The following GPR89A variants were observed in gnomAD, a reference collection of about 807,000 sequenced individuals.
GPR89A encodes the protein G protein-coupled receptor 89A.
Under a neutral mutation model 52.0 loss-of-function variants are expected in GPR89A, and 16 were observed. The observed-to-expected ratio is 0.31, with a 90% CI of 0.21 to 0.47. The LOEUF is 0.47. Ranked by LOEUF, GPR89A falls within the 20% of genes least tolerant of loss-of-function variation. GPR89A has a pLI of 1.00. For synonymous variants in GPR89A, 55 were observed against 150.9 expected, an observed-to-expected ratio of 0.36 and a Z score of 4.66; for missense variants, 135 against 449.4, an observed-to-expected ratio of 0.30 and a Z score of 6.33.
intron 10 of GPR89A, among the ~76,000 whole-genome samples, chr1:145,651,033 A>G (rs1301299351): frequency 1.3e-5 from 2 of 151,934 alleles, no homozygotes; most frequent in Admixed American, 1.3e-4. Context: ...TTTTGTGGCA[A>G]TTGCTTTTGA....
chr1:145,668,177 A>G (rs1399445364), intron 12 of GPR89A, among the ~76,000 whole-genome samples: 8 of 152,138 alleles, frequency 5.3e-5, no homozygotes, highest in Admixed American at 4.6e-4. Context: ...GGCCATTTTC[A>G]TGATATTGAT....
chr1:145,608,688 C>G (rs1553685529), intron 1 of GPR89A: 5 of 937,680 alleles, frequency 5.3e-6, no homozygotes, highest in Non-Finnish European at 5.2e-6. Context: ...AATACCTGTG[C>G]TTGAAAGTAT....
In GPR89A at chr1:145,646,266, T is replaced by C. The variant is rs782734256; in HGVS notation, c.810T>C (p.Ala270=). ...TTCTGGAAACAGCTGATCTATATGCTACCAAGGTACAGAGCAAGGAAACTG... is the reference window on the plus strand; with the variant it reads ...TTCTGGAAACAGCTGATCTATATGCCACCAAGGTACAGAGCAAGGAAACTG... ...QLFLETADLY[A]TKERIEYSKT... Residue 270 remains alanine (A), a synonymous_variant, in exon 9 of 14, where the codon GCT becomes GCC. Coordinates refer to ENST00000313835, the MANE Select transcript of GPR89A (RefSeq NM_001097612.2). The C allele has an allele frequency of 6.2e-6, 10 of 1,605,782 alleles. No individual in the cohort carries two copies. In the Admixed American group the frequency reaches 1.7e-4, roughly 27 times the overall value.
At chr1:145,608,404 C>T (rs1444646097) in intron 1 of GPR89A, 4 of 814,502 alleles carry the variant, frequency 4.9e-6, no homozygotes, top group Non-Finnish European at 7.8e-6. Flanking sequence ...GGCATCCATC[C>T]CCGGAATTTC....
intron 10 of GPR89A, among the ~76,000 whole-genome samples, chr1:145,650,204 C>T (rs1178943858): frequency 1.3e-5 from 2 of 151,022 alleles, no homozygotes; most frequent in Admixed American, 1.3e-4. Flanking sequence ...TCACATTGTT[C>T]AGTTCCCACT....
At chr1:145,648,594 C>T (rs1651215494) in intron 10 of GPR89A, among the ~76,000 whole-genome samples, 1 of 151,292 alleles carries the variant, frequency 6.6e-6, no homozygotes, top group Admixed American at 6.6e-5. Context: ...ATTCTCCTGC[C>T]TCAGCCTCCC....
At chr1:145,634,880 T>C (rs782484716) in intron 7 of GPR89A, among the ~76,000 whole-genome samples, 1 of 152,172 alleles carries the variant, frequency 6.6e-6, no homozygotes, top group East Asian at 1.9e-4. Flanking sequence ...AAACCTAGTT[T>C]ACGCCAGGCA....
intron 12 of GPR89A, among the ~76,000 whole-genome samples, chr1:145,666,979 G>C (rs1299989070): frequency 2.9e-4 from 44 of 152,176 alleles, no homozygotes; most frequent in African/African-American, 1.0e-3. Flanking sequence ...TTGGTTCCAA[G>C]TCTTTGCTAT....
At chr1:145,656,491 TA>T (rs1453798367) in intron 10 of GPR89A, among the ~76,000 whole-genome samples, 1 of 152,160 alleles carries the variant, frequency 6.6e-6, no homozygotes, top group East Asian at 1.9e-4. Context: ...GCCAACTGCC[TA>T]GTCAGTCCCA....
intron 10 of GPR89A, among the ~76,000 whole-genome samples, chr1:145,662,006 T>G (rs1474464079): frequency 3.3e-5 from 5 of 152,162 alleles, no homozygotes; most frequent in Non-Finnish European, 7.4e-5. Flanking sequence ...TTGTATGATA[T>G]GAATCTTTTA....
At chr1:145,633,942 G>C (rs587760047) in intron 7 of GPR89A, among the ~76,000 whole-genome samples, 12 of 150,974 alleles carry the variant, frequency 7.9e-5, no homozygotes, top group Non-Finnish European at 1.5e-4. Context: ...TGACCAAGGG[G>C]GAAGAAAGAC....
intron 3 of GPR89A, among the ~76,000 whole-genome samples, chr1:145,619,526 C>T (rs1473797468): frequency 1.3e-5 from 2 of 151,954 alleles, no homozygotes; most frequent in Non-Finnish European, 2.9e-5. Context: ...GCAGGAGGAT[C>T]CCTTGAGCCC....
chr1:145,646,603 A>T (rs1553692590), intron 9 of GPR89A: 1 of 353,022 alleles, frequency 2.8e-6, no homozygotes, highest in African/African-American at 2.1e-5. Context: ...TAGTAATATT[A>T]TAAGAGCAGT....
intron 11 of GPR89A, among the ~76,000 whole-genome samples, chr1:145,663,815 T>C (rs1553696050): frequency 6.6e-6 from 1 of 152,146 alleles, no homozygotes; most frequent in Non-Finnish European, 1.5e-5. Flanking sequence ...TCAGCTTTGA[T>C]GCTCCAGTGG....
chr1:145,649,917 T>G (rs1651331331), intron 10 of GPR89A, among the ~76,000 whole-genome samples: 1 of 151,902 alleles, frequency 6.6e-6, no homozygotes, highest in Non-Finnish European at 1.5e-5. Flanking sequence ...GAGCATCTTT[T>G]CATGTGCTTT....
chr1:145,661,672 T>C (rs1652212500), intron 10 of GPR89A, among the ~76,000 whole-genome samples: 1 of 150,330 alleles, frequency 6.7e-6, no homozygotes, highest in Admixed American at 6.7e-5. Flanking sequence ...ATTTCTGCTC[T>C]GGTCTTTGTT....
At chr1:145,651,456 C>T (rs1327481325) in intron 10 of GPR89A, among the ~76,000 whole-genome samples, 1 of 150,724 alleles carries the variant, frequency 6.6e-6, no homozygotes, top group Admixed American at 6.7e-5. Flanking sequence ...TTTTTGCTTA[C>T]AGTTGTCTTG....
intron 10 of GPR89A, among the ~76,000 whole-genome samples, chr1:145,660,354 A>G (rs1269629265): frequency 6.6e-6 from 1 of 152,224 alleles, no homozygotes; most frequent in Non-Finnish European, 1.5e-5. Flanking sequence ...AAACCCTAGA[A>G]GAAAACCTAG....
chr1:145,663,444 C>A lies in GPR89A; in HGVS notation c.1005+20C>A. The A allele has an allele frequency of 3.7e-6, 6 of 1,610,086 alleles. No individual in the cohort carries two copies. Among genetic ancestry groups the A allele is most frequent in the Non-Finnish European group, 3.4e-6 (4 of 1,178,598 alleles). ...TTTGATGTAAGTGTTATATCAAGAT[C>A]CTGGTTTGTCATGTTTCTGTTTTAT... On this transcript the variant is annotated intron_variant, in intron 11 of 13. Coordinates refer to ENST00000313835, the MANE Select transcript of GPR89A (RefSeq NM_001097612.2).
Sources: gnomAD v4.1 joint callset for allele counts (sites outside exome capture counted in the v4.1 genomes callset) on GRCh38, gnomAD v4.1.1 for gene constraint, MANE v1.5 for transcripts, NCBI Gene and HGNC (gene_info 2026-07-23, HGNC 2026-07-21) for gene names.